Variants in SEMA5A observed in about 807,000 individuals in gnomAD.
The protein encoded by SEMA5A is semaphorin 5A, also known as semaphorin-5A.
A neutral mutation model predicts 135.5 loss-of-function variants in SEMA5A; 55 were observed. The ratio of observed to expected loss-of-function variants is 0.41; its 90% CI spans 0.33 to 0.51. The LOEUF is 0.51. SEMA5A is among the 20% of genes least tolerant of loss of function. The probability of loss-of-function intolerance (pLI) is 0.37; values close to 1 mark genes in which losing one functional copy is unlikely to be tolerated. For missense variants in SEMA5A, 1,290 were observed against 1,419.9 expected, an observed-to-expected ratio of 0.91 and a Z score of 1.47; for synonymous variants, 580 against 546.5, an observed-to-expected ratio of 1.06 and a Z score of -0.85.
intron 6 of SEMA5A, among the ~76,000 whole-genome samples, chr5:9,231,465 CAAAAAAAAAAAAAAAAAA>C (rs58901854): frequency 1.5e-5 from 1 of 64,658 alleles, no homozygotes; most frequent in South Asian, 9.7e-4. Flanking sequence ...GACTCCATCT[CAAAAAAAAAAAAAAAAAA>C]AAAAAAAAAA....
At chr5:9,276,059 A>T (rs1329797266) in intron 5 of SEMA5A, among the ~76,000 whole-genome samples, 1 of 152,230 alleles carries the variant, frequency 6.6e-6, no homozygotes, top group Non-Finnish European at 1.5e-5. Flanking sequence ...TATTTAGAAA[A>T]TCCCATCATC....
At chr5:9,249,532 T>G (rs1481454437) in intron 5 of SEMA5A, among the ~76,000 whole-genome samples, 1 of 152,220 alleles carries the variant, frequency 6.6e-6, no homozygotes, top group Non-Finnish European at 1.5e-5. Context: ...CATATTTTTA[T>G]AACTTGTTTT....
chr5:9,330,506 G>A (rs1389511929), intron 4 of SEMA5A, among the ~76,000 whole-genome samples: 1 of 151,728 alleles, frequency 6.6e-6, no homozygotes, highest in Admixed American at 6.6e-5. Context: ...TCCCAGGCAT[G>A]TCAGTTGGCC....
chr5:9,464,482 C>T (rs956496784), intron 1 of SEMA5A, among the ~76,000 whole-genome samples: 3 of 152,204 alleles, frequency 2.0e-5, no homozygotes, highest in Non-Finnish European at 4.4e-5. Context: ...GAACAGTTTA[C>T]TCACGTACCC....
At chr5:9,439,400 A>G (rs1447534050) in intron 1 of SEMA5A, among the ~76,000 whole-genome samples, 1 of 152,234 alleles carries the variant, frequency 6.6e-6, no homozygotes, top group Non-Finnish European at 1.5e-5. Flanking sequence ...AATTATTACT[A>G]AAATGTCCTT....
intron 3 of SEMA5A, among the ~76,000 whole-genome samples, chr5:9,349,415 C>T (rs188172112): frequency 6.6e-6 from 1 of 152,246 alleles, no homozygotes; most frequent in Admixed American, 6.5e-5. Flanking sequence ...AGACCTCTGC[C>T]TTCAAGACAT....
intron 13 of SEMA5A, among the ~76,000 whole-genome samples, chr5:9,134,774 G>C (rs563400380): frequency 6.6e-6 from 1 of 152,184 alleles, no homozygotes; most frequent in African/African-American, 2.4e-5. Flanking sequence ...TCTGCAAGAA[G>C]ATTTGCTGAT....
chr5:9,122,939 G>T, intron 13 of SEMA5A, 102 bp from the exon 14 acceptor site: 1 of 1,098,090 alleles, frequency 9.1e-7, no homozygotes, highest in Non-Finnish European at 1.3e-6. Context: ...AACTCCTCTA[G>T]AATTTGTTGT....
At chr5:9,347,883 T>A (rs1753946693) in intron 3 of SEMA5A, among the ~76,000 whole-genome samples, 1 of 152,238 alleles carries the variant, frequency 6.6e-6, no homozygotes, top group African/African-American at 2.4e-5. Context: ...AAAATTTCAC[T>A]GGAACCAATT....
At chr5:9,046,065 C>A (rs1736233961) in intron 21 of SEMA5A, 2 of 152,252 alleles carry the variant, frequency 1.3e-5, no homozygotes, top group African/African-American at 2.4e-5. Context: ...GCCTTATCTT[C>A]CTCTGTGTTG....
intron 2 of SEMA5A, among the ~76,000 whole-genome samples, chr5:9,380,651 C>T (rs1579444109): frequency 1.3e-5 from 2 of 152,106 alleles, no homozygotes; most frequent in East Asian, 1.9e-4. Context: ...AAATCTATAT[C>T]GAGCACCTAC....
intron 3 of SEMA5A, among the ~76,000 whole-genome samples, chr5:9,344,909 G>A (rs1753797205): frequency 6.6e-6 from 1 of 152,134 alleles, no homozygotes; most frequent in Non-Finnish European, 1.5e-5. Flanking sequence ...GTTGAGGGCA[G>A]GTGTGTTACA....
chr5:9,233,509 G>T (rs971212480), intron 6 of SEMA5A, among the ~76,000 whole-genome samples: 2 of 151,202 alleles, frequency 1.3e-5, no homozygotes, highest in African/African-American at 4.9e-5. Flanking sequence ...GCAGGCAAAG[G>T]CACTCCCTCT....
At chr5:9,282,461 T>G (rs897762989) in intron 5 of SEMA5A, among the ~76,000 whole-genome samples, 1 of 152,136 alleles carries the variant, frequency 6.6e-6, no homozygotes, top group African/African-American at 2.4e-5. Context: ...AAGCAATAAC[T>G]TGCCCATTCC....
At chr5:9,139,886 A>T (rs1248644971) in intron 12 of SEMA5A, among the ~76,000 whole-genome samples, 1 of 152,162 alleles carries the variant, frequency 6.6e-6, no homozygotes, top group African/African-American at 2.4e-5. Flanking sequence ...ATTCCTTCTG[A>T]TTCTTCTAAG....
intron 16 of SEMA5A, among the ~76,000 whole-genome samples, chr5:9,103,587 T>C (rs1395083133): frequency 1.3e-5 from 2 of 152,180 alleles, no homozygotes; most frequent in Non-Finnish European, 2.9e-5. Context: ...TAGCTTGTGG[T>C]CAATTGTTTC....
chr5:9,234,429 G>A (rs1805958), intron 6 of SEMA5A, among the ~76,000 whole-genome samples: 24,196 of 152,138 alleles, frequency 0.16, 2,423 homozygotes, highest in Non-Finnish European at 0.22. Flanking sequence ...TGGGTGAAGA[G>A]CCCTCTCCTC....
At chr5:9,289,047 C>T (rs1197641977) in intron 5 of SEMA5A, among the ~76,000 whole-genome samples, 1 of 152,216 alleles carries the variant, frequency 6.6e-6, no homozygotes, top group East Asian at 1.9e-4. Context: ...GCTCACGAAA[C>T]ATGTTGAATA....
At position 9,246,396 on chromosome 5, in the gene SEMA5A, T is replaced by C. The variant is rs1805996; in HGVS notation, c.271-8506A>G. 4.3e-4 allele frequency among the ~76,000 whole-genome samples: 66 copies of C among 152,276 alleles called. 1 individual carries two copies. The highest frequency in any genetic ancestry group is 1.5e-3 in the Admixed American group (23 of 15,288). On this transcript the variant is annotated intron_variant, in intron 5 of 22. Coordinates refer to ENST00000382496, the MANE Select transcript of SEMA5A (RefSeq NM_003966.3). ...CCTAGTTTAATATTTCCCAAATGCA[T>C]TTGGTGGAAAATTGATTGCATCTAA...
Sources: allele counts gnomAD v4.1 joint callset (sites outside exome capture counted in the v4.1 genomes callset), GRCh38; gene constraint gnomAD v4.1.1; transcripts MANE v1.5; gene names NCBI Gene and HGNC (gene_info 2026-07-23, HGNC 2026-07-21).